Variants in ATP13A4 observed in about 807,000 individuals in gnomAD.
ATP13A4 encodes the protein ATPase 13A4.
Under a neutral mutation model 142.5 loss-of-function variants are expected in ATP13A4, and 114 were observed. The ratio of observed to expected loss-of-function variants is 0.80; its 90% confidence interval spans 0.69 to 0.93. ATP13A4 has a LOEUF of 0.93. Among genes scored for constraint, ATP13A4 ranks in the 40% least tolerant of loss-of-function variants. The pLI is 0.00. For missense variants in ATP13A4, 1,392 were observed against 1,454.0 expected, an observed-to-expected ratio of 0.96 and a Z score of 0.69; for synonymous variants, 488 against 514.8, an observed-to-expected ratio of 0.95 and a Z score of 0.70.
chr3:193,427,427 T>G (rs955846391), intron 25 of ATP13A4, among the ~76,000 whole-genome samples: 2 of 152,284 alleles, frequency 1.3e-5, no homozygotes, highest in East Asian at 1.9e-4. Context: ...CCAATGACTT[T>G]CTTCATAGAA....
intron 1 of ATP13A4, among the ~76,000 whole-genome samples, chr3:193,538,628 A>G (rs1722714739): frequency 6.6e-6 from 1 of 152,092 alleles, no homozygotes; most frequent in Admixed American, 6.5e-5. Context: ...CTTGTGGATG[A>G]AAGCACTTGG....
At chr3:193,538,750 T>C (rs890843540) in intron 1 of ATP13A4, among the ~76,000 whole-genome samples, 12 of 152,038 alleles carry the variant, frequency 7.9e-5, no homozygotes, top group African/African-American at 2.7e-4. Flanking sequence ...ATCAACATTT[T>C]CTGTAATGTC....
intron 7 of ATP13A4, among the ~76,000 whole-genome samples, chr3:193,485,384 T>A (rs1326816646): frequency 6.6e-6 from 1 of 151,212 alleles, no homozygotes; most frequent in African/African-American, 2.4e-5. Context: ...TTCCTGGGGG[T>A]TTTTAGGAAT....
At chr3:193,473,698 C>T (rs946596166) in intron 8 of ATP13A4, among the ~76,000 whole-genome samples, 3 of 152,114 alleles carry the variant, frequency 2.0e-5, no homozygotes, top group Non-Finnish European at 2.9e-5. Context: ...GCAGTGAAAA[C>T]ACAGCATCAT....
rs370899333 is a variant in ATP13A4, at chr3:193,471,376, A to G, written c.809-383T>C. Among the ~76,000 whole-genome samples, 56 of 152,184 alleles carry G rather than the reference A, an allele frequency of 3.7e-4. No individual in the cohort carries two copies. The East Asian group carries it at 6.2e-3, about 17-fold the overall frequency. On this transcript the variant is annotated intron_variant, in intron 8 of 29. Coordinates refer to ENST00000342695, the MANE Select transcript of ATP13A4 (RefSeq NM_032279.4). The stretch of plus-strand genomic sequence containing the variant: ...CTAGCTGTTTGAGACCAACCTGGAC[A>G]ATATAGCGGGAGCCCTATCTATCTT...
At chr3:193,447,705 A>G (rs139087121) in intron 18 of ATP13A4, among the ~76,000 whole-genome samples, 1 of 152,250 alleles carries the variant, frequency 6.6e-6, no homozygotes, top group East Asian at 1.9e-4. Flanking sequence ...TCTTGTTTGT[A>G]TGATTTGGAG....
chr3:193,504,375 A>T (rs965902626), intron 2 of ATP13A4, among the ~76,000 whole-genome samples: 1 of 152,234 alleles, frequency 6.6e-6, no homozygotes, highest in Non-Finnish European at 1.5e-5. Flanking sequence ...ACTTTATCAA[A>T]GCAGTTTTTA....
chr3:193,423,563 A>C (rs543943740), intron 25 of ATP13A4, among the ~76,000 whole-genome samples: 2 of 149,974 alleles, frequency 1.3e-5, no homozygotes, highest in Non-Finnish European at 1.5e-5. Flanking sequence ...GATACATTAC[A>C]TCAATAGGAT....
chr3:193,477,630 G>A (rs1431610840), intron 8 of ATP13A4, among the ~76,000 whole-genome samples: 1 of 152,070 alleles, frequency 6.6e-6, no homozygotes. Flanking sequence ...AACAAATAAA[G>A]GTGTTCTACA....
intron 17 of ATP13A4, among the ~76,000 whole-genome samples, chr3:193,450,173 A>G (rs946365554): frequency 1.3e-5 from 2 of 151,610 alleles, no homozygotes; most frequent in African/African-American, 4.8e-5. Context: ...CATATTACTT[A>G]TATTTCACTG....
At chr3:193,408,643 G>A (rs1041303104) in intron 28 of ATP13A4, among the ~76,000 whole-genome samples, 1 of 152,174 alleles carries the variant, frequency 6.6e-6, no homozygotes, top group South Asian at 2.1e-4. Context: ...AAAGTCATAA[G>A]CTGCACATAG....
intron 2 of ATP13A4, among the ~76,000 whole-genome samples, chr3:193,576,762 G>A (rs1303013768): frequency 6.6e-6 from 1 of 152,164 alleles, no homozygotes; most frequent in African/African-American, 2.4e-5. Flanking sequence ...TGGAAGGGTT[G>A]AAGAACCCGA....
chr3:193,577,285 C>T (rs1255450060), intron 2 of ATP13A4, among the ~76,000 whole-genome samples: 1 of 152,198 alleles, frequency 6.6e-6, no homozygotes, highest in African/African-American at 2.4e-5. Flanking sequence ...ATATTCCAGT[C>T]GTCACTCCCA....
chr3:193,442,680 T>C (rs1470197001), intron 18 of ATP13A4, 124 bp from the exon 19 acceptor site: 3 of 993,752 alleles, frequency 3.0e-6, no homozygotes, highest in African/African-American at 1.6e-5. Flanking sequence ...TGATCTCTGA[T>C]ATCTATTTCA....
chr3:193,528,005 T>C (rs1722106117), intron 1 of ATP13A4, among the ~76,000 whole-genome samples: 1 of 152,216 alleles, frequency 6.6e-6, no homozygotes, highest in Non-Finnish European at 1.5e-5. Flanking sequence ...TCTAAGGTCA[T>C]AACTCTCGTC....
At chr3:193,578,148 G>C (rs1300275647) in intron 2 of ATP13A4, among the ~76,000 whole-genome samples, 1 of 152,052 alleles carries the variant, frequency 6.6e-6, no homozygotes, top group Admixed American at 6.6e-5. Flanking sequence ...ACAAAAAGTA[G>C]CCAGGTATGA....
At chr3:193,540,185 G>T (rs948559532) in intron 1 of ATP13A4, among the ~76,000 whole-genome samples, 2 of 151,926 alleles carry the variant, frequency 1.3e-5, no homozygotes, top group African/African-American at 4.8e-5. Context: ...ATGAAGCCCC[G>T]CAGTTTGCTG....
At chr3:193,588,697 T>G (rs1157480483) in intron 1 of ATP13A4, among the ~76,000 whole-genome samples, 2 of 152,182 alleles carry the variant, frequency 1.3e-5, no homozygotes, top group Non-Finnish European at 1.5e-5. Context: ...CACTATAGTC[T>G]GCCTCTGTGG....
chr3:193,483,626 G>A (rs568628728), intron 8 of ATP13A4, among the ~76,000 whole-genome samples: 53 of 152,006 alleles, frequency 3.5e-4, no homozygotes, highest in African/African-American at 4.6e-4. Context: ...CACCACGCCC[G>A]GCTAATTTTT....
Sources: gnomAD v4.1 joint callset for allele counts (sites outside exome capture counted in the v4.1 genomes callset) on GRCh38, gnomAD v4.1.1 for gene constraint, MANE v1.5 for transcripts, NCBI Gene and HGNC (gene_info 2026-07-23, HGNC 2026-07-21) for gene names.